UGGT2: variants seen among roughly 807,000 people sequenced by gnomAD.
UGGT2 encodes UDP-glucose:glycoprotein glucosyltransferase 2.
A neutral mutation model predicts 192.1 loss-of-function variants in UGGT2; 180 were observed. The ratio of observed to expected loss-of-function variants is 0.94; its 90% CI spans 0.83 to 1.06. The LOEUF (loss-of-function observed/expected upper bound fraction) is 1.06, where lower values mean the gene tolerates loss of function less well. Among genes scored for constraint, UGGT2 ranks in the 50% least tolerant of loss-of-function variants. The probability of loss-of-function intolerance (pLI) is 0.00; values close to 1 mark genes in which losing one functional copy is unlikely to be tolerated. For missense variants in UGGT2, 1,849 were observed against 1,795.7 expected (o/e 1.03, Z -0.54); for synonymous variants, 580 against 591.0 (o/e 0.98, Z 0.27).
intron 25 of UGGT2, among the ~76,000 whole-genome samples, chr13:95,889,419 C>T (rs189284070): frequency 9.0e-4 from 137 of 152,136 alleles, no homozygotes; most frequent in African/African-American, 3.2e-3. Context: ...TTTGGCAGTG[C>T]GCACTAAATT....
intron 38 of UGGT2, among the ~76,000 whole-genome samples, chr13:95,824,673 T>G (rs1345471258): frequency 6.6e-6 from 1 of 152,142 alleles, no homozygotes; most frequent in African/African-American, 2.4e-5. Context: ...AGAAAATTTT[T>G]CATTCATATC....
At position 95,875,671 on chromosome 13, in the gene UGGT2, C is replaced by T. The variant is rs1004068245; in HGVS notation, c.3473+1608G>A. On this transcript the variant is annotated intron_variant, in intron 29 of 38. Coordinates refer to ENST00000376747, the MANE Select transcript of UGGT2 (RefSeq NM_020121.4). ...AACTTCCTATTAATTCTTCAATTTT[C>T]TTGAGGTACTATATCATCTCTAATG... Among the ~76,000 whole-genome samples the T allele has an allele frequency of 5.9e-5, 9 of 152,112 alleles. 1 individual carries two copies. Among genetic ancestry groups the T allele is most frequent in the Admixed American group, 5.9e-4 (9 of 15,262 alleles).
rs1436600696 is a variant in UGGT2, at chr13:95,940,028, G to T, written c.1741C>A (p.Gln581Lys). The T allele has an allele frequency of 6.3e-7, 1 of 1,597,904 alleles. No homozygotes were observed. The highest frequency in any genetic ancestry group is 1.1e-5 in the South Asian group (1 of 88,618). The change falls in exon 16 of 39, where the codon CAA (glutamine) becomes AAA (lysine). Residue 581 changes from glutamine (Q) to lysine (K), a missense_variant. Physicochemically the swap from Gln to Lys is moderately conservative, Grantham distance 53. Transcript: ENST00000376747. ...ATATTAGCATGAGGAAATGTATTTT[G>T]GAGAACACTCTTCACATTGTCCACA... ...LTVDNVKSVL[Q>K]NTFPHANIWD...
At chr13:95,885,795 G>C (rs915858513) in intron 26 of UGGT2, among the ~76,000 whole-genome samples, 2 of 152,206 alleles carry the variant, frequency 1.3e-5, no homozygotes, top group Admixed American at 6.5e-5. Context: ...TGAATGTAGT[G>C]AGTAGCAATT....
intron 1 of UGGT2, among the ~76,000 whole-genome samples, chr13:96,041,866 A>C (rs7334100): frequency 0.37 from 56,295 of 151,724 alleles, 10,917 homozygotes; most frequent in Middle Eastern, 0.44. Context: ...AGTTGCAACA[A>C]GACCCACCCA....
At chr13:95,867,724 C>T (rs1890805216) in intron 29 of UGGT2, among the ~76,000 whole-genome samples, 1 of 152,106 alleles carries the variant, frequency 6.6e-6, no homozygotes, top group South Asian at 2.1e-4. Flanking sequence ...TATACCAAGG[C>T]TATCACACAA....
intron 20 of UGGT2, among the ~76,000 whole-genome samples, chr13:95,914,800 C>CA (rs35854020): frequency 1.3e-5 from 2 of 151,216 alleles, no homozygotes; most frequent in African/African-American, 4.9e-5. Context: ...GAGACTCTTT[C>CA]AAAAAAACAA....
At chr13:95,928,354 C>G (rs917994787) in intron 17 of UGGT2, among the ~76,000 whole-genome samples, 1 of 84,616 alleles carries the variant, frequency 1.2e-5, no homozygotes, top group South Asian at 3.9e-4. Context: ...CCCCACCTCC[C>G]GGACAGGACG....
intron 4 of UGGT2, among the ~76,000 whole-genome samples, chr13:96,018,619 TCA>T (rs2052412047): frequency 2.6e-5 from 4 of 152,028 alleles, no homozygotes; most frequent in Admixed American, 6.5e-5. Flanking sequence ...CTCCCAGTGG[TCA>T]CTCTACTTTC....
chr13:95,957,196 T>C (rs1014297188), intron 12 of UGGT2, among the ~76,000 whole-genome samples: 2 of 152,198 alleles, frequency 1.3e-5, no homozygotes, highest in African/African-American at 4.8e-5. Flanking sequence ...TAATGTTTAA[T>C]GTGAACAGAG....
At chr13:96,048,950 C>CA (rs1460772602) in intron 1 of UGGT2, among the ~76,000 whole-genome samples, 2 of 147,450 alleles carry the variant, frequency 1.4e-5, no homozygotes, top group South Asian at 2.1e-4. Flanking sequence ...CCAATTGATA[C>CA]AAAAAAAGGG....
At chr13:96,006,620 C>A (rs2051984827) in intron 5 of UGGT2, among the ~76,000 whole-genome samples, 2 of 103,948 alleles carry the variant, frequency 1.9e-5, no homozygotes, top group Non-Finnish European at 3.7e-5. Context: ...CGAGATTCTG[C>A]CTCAAAAAAA....
At chr13:95,936,532 G>A (rs1261774153) in intron 17 of UGGT2, among the ~76,000 whole-genome samples, 4 of 152,210 alleles carry the variant, frequency 2.6e-5, no homozygotes, top group East Asian at 1.9e-4. Context: ...GTACCCCAAC[G>A]GCAGGCACAA....
At chr13:95,900,066 TATGAA>T (rs1206863259) in intron 22 of UGGT2, among the ~76,000 whole-genome samples, 1 of 152,130 alleles carries the variant, frequency 6.6e-6, no homozygotes, top group Admixed American at 6.6e-5. Flanking sequence ...AAACAATTTG[TATGAA>T]ATAAGACTAT....
chr13:95,936,001 GT>G (rs938312603), intron 17 of UGGT2, among the ~76,000 whole-genome samples: 43 of 151,980 alleles, frequency 2.8e-4, no homozygotes, highest in Non-Finnish European at 4.6e-4. Context: ...TAAGTTTTAA[GT>G]TTTTTTGTAG....
chr13:95,801,763 T>A lies in UGGT2; in HGVS notation c.*27A>T. The stretch of plus-strand genomic sequence containing the variant: ...AGGCGGCAGGTTTCCTGTCATGCTT[T>A]CGCCTTCCTTCTCATATACACCAGT... On this transcript the variant is annotated 3_prime_UTR_variant, in exon 39 of 39. Transcript: ENST00000376747. The A allele has an allele frequency of 6.2e-7, 1 of 1,611,040 alleles. No homozygotes were observed. The highest frequency in any genetic ancestry group is 8.5e-7 in the Non-Finnish European group (1 of 1,178,710).
intron 6 of UGGT2, among the ~76,000 whole-genome samples, chr13:95,996,374 C>T (rs1378298599): frequency 1.3e-5 from 2 of 151,710 alleles, no homozygotes; most frequent in African/African-American, 4.8e-5. Context: ...TGGTGGTGTG[C>T]GCCTGCAGTC....
chr13:95,932,855 T>G (rs981974889), intron 17 of UGGT2, among the ~76,000 whole-genome samples: 1 of 152,266 alleles, frequency 6.6e-6, no homozygotes, highest in East Asian at 1.9e-4. Flanking sequence ...TCACATTTTT[T>G]GTTTTAAATT....
At chr13:95,987,731 G>A (rs944097963) in intron 8 of UGGT2, among the ~76,000 whole-genome samples, 4 of 152,072 alleles carry the variant, frequency 2.6e-5, no homozygotes, top group African/African-American at 9.7e-5. Flanking sequence ...AAATGACTTG[G>A]CTAGCTAGTC....
Sources: gnomAD v4.1 joint callset for allele counts (sites outside exome capture counted in the v4.1 genomes callset) on GRCh38, gnomAD v4.1.1 for gene constraint, MANE v1.5 for transcripts, NCBI Gene and HGNC (gene_info 2026-07-23, HGNC 2026-07-21) for gene names.